Variants in ZNF503 observed in about 807,000 individuals in gnomAD.
The protein encoded by ZNF503 is NocA-like zinc finger 2.
In ZNF503, 15 loss-of-function variants were observed where a neutral mutation model predicts 34.4. That is an observed-to-expected ratio of 0.44 (90% CI 0.29 to 0.67). The LOEUF is 0.67. Among genes scored for constraint, ZNF503 ranks in the 30% least tolerant of loss-of-function variants. ZNF503 has a pLI of 0.13. For synonymous variants in ZNF503, 580 were observed against 456.8 expected (o/e 1.27, Z -3.44); for missense variants, 1,007 against 926.8 (o/e 1.09, Z -1.12).
chr10:75,396,332 C>T (rs1589132091), downstream of ZNF503, among the ~76,000 whole-genome samples: 1 of 152,262 alleles, frequency 6.6e-6, no homozygotes, highest in South Asian at 2.1e-4. This position sits in a 1 kb window ranked among gnomAD's most constrained non-coding sequence, Gnocchi z 4.4. Flanking sequence ...TCGCGACGTC[C>T]GGACATCAGG....
At chr10:75,333,688 C>A in the ZNF503 span, among the ~76,000 whole-genome samples, 1 of 11,636 alleles carries the variant, frequency 8.6e-5, no homozygotes, top group Non-Finnish European at 1.5e-4. Flanking sequence ...GGGGGGCTGA[C>A]CCCCCCACCT....
the ZNF503 span, among the ~76,000 whole-genome samples, chr10:75,321,007 G>A: frequency 2.0e-5 from 3 of 152,294 alleles, no homozygotes; most frequent in African/African-American, 7.2e-5. Flanking sequence ...GGGGCCTGGT[G>A]GGAGGCAATT....
the ZNF503 span, among the ~76,000 whole-genome samples, chr10:75,374,284 A>G: frequency 6.6e-6 from 1 of 152,336 alleles, no homozygotes; most frequent in Non-Finnish European, 1.5e-5. Flanking sequence ...CCTGGGCCAC[A>G]GAGCGAGACT....
chr10:75,373,911 T>C, the ZNF503 span, among the ~76,000 whole-genome samples: 1 of 152,130 alleles, frequency 6.6e-6, no homozygotes. Context: ...CCAGGACAGG[T>C]GTGGCCAGCA....
chr10:75,302,947 T>C, the ZNF503 span, among the ~76,000 whole-genome samples: 1 of 152,292 alleles, frequency 6.6e-6, no homozygotes, highest in South Asian at 2.1e-4. Flanking sequence ...TATTTCTCAG[T>C]TTTTGTATCC....
At chr10:75,335,369 A>G in the ZNF503 span, among the ~76,000 whole-genome samples, 10 of 152,206 alleles carry the variant, frequency 6.6e-5, no homozygotes, top group Non-Finnish European at 1.2e-4. Flanking sequence ...TCCACTGGCT[A>G]CTGGATAAAG....
the ZNF503 span, among the ~76,000 whole-genome samples, chr10:75,359,306 C>T: frequency 1.3e-5 from 2 of 152,230 alleles, no homozygotes; most frequent in Non-Finnish European, 2.9e-5. Context: ...TTCATTCTTT[C>T]ATAACATCAG....
chr10:75,399,460 G>C lies in ZNF503; in HGVS notation c.1230C>G (p.Ser410=). The change falls in exon 2 of 2, where the codon TCC becomes TCG. Residue 410 remains serine, a synonymous_variant. Transcript: ENST00000372524. ...GSLGCSKPAG[S]SPLAGASPPS... Reference sequence around the variant, plus strand: ...GCGGAGACGCTCCGGCCAAAGGGCTGGAGCCGGCCGGCTTACTGCAGCCCA... The same window carrying C: ...GCGGAGACGCTCCGGCCAAAGGGCTCGAGCCGGCCGGCTTACTGCAGCCCA... 6.3e-7 allele frequency: 1 copy of C among 1,584,680 alleles called. No individual in the cohort carries two copies. Among genetic ancestry groups the C allele is most frequent in the Non-Finnish European group, 8.5e-7 (1 of 1,171,624 alleles).
At chr10:75,282,798 A>G in the ZNF503 span, among the ~76,000 whole-genome samples, 1 of 152,320 alleles carries the variant, frequency 6.6e-6, no homozygotes, top group Non-Finnish European at 1.5e-5. Context: ...TTGTCTGCAC[A>G]ATGGATGCAG....
At chr10:75,374,014 T>G in the ZNF503 span, among the ~76,000 whole-genome samples, 1 of 152,208 alleles carries the variant, frequency 6.6e-6, no homozygotes, top group Non-Finnish European at 1.5e-5. Flanking sequence ...ACTTAAGGTC[T>G]ATTAAAAGGT....
At chr10:75,339,471 T>TA in the ZNF503 span, among the ~76,000 whole-genome samples, 1 of 152,194 alleles carries the variant, frequency 6.6e-6, no homozygotes, top group Non-Finnish European at 1.5e-5. Context: ...TATTAGCTCA[T>TA]AAAATGTCAC....
chr10:75,386,698 C>T, the ZNF503 span, among the ~76,000 whole-genome samples: 1 of 152,212 alleles, frequency 6.6e-6, no homozygotes, highest in Non-Finnish European at 1.5e-5. Flanking sequence ...CAATGGCTCC[C>T]TATTGCTTAT....
chr10:75,300,591 TA>T, the ZNF503 span, among the ~76,000 whole-genome samples: 4 of 152,122 alleles, frequency 2.6e-5, no homozygotes, highest in African/African-American at 9.7e-5. Context: ...GGGGAACTAA[TA>T]AATGTCCATG....
chr10:75,384,694 C>T, the ZNF503 span, among the ~76,000 whole-genome samples: 271 of 152,292 alleles, frequency 1.8e-3, no homozygotes, highest in African/African-American at 6.2e-3. Flanking sequence ...CTGTGCACCT[C>T]CCCAAAGCCC....
At chr10:75,313,725 A>G in the ZNF503 span, among the ~76,000 whole-genome samples, 2 of 152,232 alleles carry the variant, frequency 1.3e-5, no homozygotes, top group Admixed American at 1.3e-4. Flanking sequence ...GCCCCTGCAG[A>G]CAGCAGGTGC....
the ZNF503 span, among the ~76,000 whole-genome samples, chr10:75,385,958 A>G: frequency 1.3e-5 from 2 of 152,134 alleles, no homozygotes; most frequent in African/African-American, 4.8e-5. Flanking sequence ...TCCAGCCCTG[A>G]CGCAATGCAG....
At chr10:75,332,019 T>G in the ZNF503 span, among the ~76,000 whole-genome samples, 1 of 152,054 alleles carries the variant, frequency 6.6e-6, no homozygotes, top group African/African-American at 2.4e-5. Flanking sequence ...TTGGAATATC[T>G]TTTTCTAGCC....
At chr10:75,358,237 T>C in the ZNF503 span, 1 of 152,186 alleles carries the variant, frequency 6.6e-6, no homozygotes, top group Admixed American at 6.5e-5. Flanking sequence ...AAACTGCAAA[T>C]GTACAAGGTA....
chr10:75,393,596 C>T (rs925793035), downstream of ZNF503, among the ~76,000 whole-genome samples: 3 of 152,312 alleles, frequency 2.0e-5, no homozygotes, highest in Non-Finnish European at 2.9e-5. Flanking sequence ...TAGTGGCTCA[C>T]GCCTGTAATC....
Sources: gnomAD v4.1 joint callset for allele counts (sites outside exome capture counted in the v4.1 genomes callset) on GRCh38, gnomAD v4.1.1 for gene constraint, Gnocchi (gnomAD v3.1) non-coding constraint, MANE v1.5 for transcripts, NCBI Gene and HGNC (gene_info 2026-07-23, HGNC 2026-07-21) for gene names.